The following RPS6KC1 variants were observed in gnomAD, a reference collection of about 807,000 sequenced individuals.
RPS6KC1 encodes inactive ribosomal protein S6 kinase delta-1.
Under a neutral mutation model 103.8 loss-of-function variants are expected in RPS6KC1, and 54 were observed. The observed-to-expected ratio is 0.52, with a 90% CI of 0.42 to 0.65. The LOEUF is 0.65. RPS6KC1 is among the 30% of genes least tolerant of loss of function. The pLI, the probability that RPS6KC1 is intolerant of heterozygous loss-of-function variation, is 0.00. For missense variants in RPS6KC1, 1,151 were observed against 1,253.8 expected, an observed-to-expected ratio of 0.92 and a Z score of 1.24; for synonymous variants, 439 against 438.7, an observed-to-expected ratio of 1.00 and a Z score of -0.01.
the RPS6KC1 span, among the ~76,000 whole-genome samples, chr1:213,444,675 T>A: frequency 1.5e-5 from 2 of 136,988 alleles, no homozygotes; most frequent in East Asian, 4.3e-4. Flanking sequence ...GAGAATCACC[T>A]GAACCTGGGA....
chr1:213,743,869 G>A, the RPS6KC1 span, among the ~76,000 whole-genome samples: 1 of 152,114 alleles, frequency 6.6e-6, no homozygotes, highest in Non-Finnish European at 1.5e-5. Flanking sequence ...GAGGAAAGAG[G>A]GTCTTTGGTG....
At chr1:213,578,519 A>C in the RPS6KC1 span, among the ~76,000 whole-genome samples, 1 of 152,188 alleles carries the variant, frequency 6.6e-6, no homozygotes, top group Non-Finnish European at 1.5e-5. Context: ...CAGTAGCGGG[A>C]CTGTACCCTG....
At chr1:213,184,455 A>G (rs904378205) in intron 8 of RPS6KC1, among the ~76,000 whole-genome samples, 24 of 151,650 alleles carry the variant, frequency 1.6e-4, no homozygotes, top group African/African-American at 5.6e-4. Context: ...AAGAAAACCA[A>G]CTTTTCATTT....
At chr1:213,774,882 C>T in the RPS6KC1 span, among the ~76,000 whole-genome samples, 84,082 of 152,086 alleles carry the variant, frequency 0.55, 24,883 homozygotes, top group East Asian at 0.83. Context: ...GGAGGCAGCC[C>T]GCACTCCATG....
chr1:213,513,918 AGTGCTCAC>A, the RPS6KC1 span, among the ~76,000 whole-genome samples: 6 of 152,152 alleles, frequency 3.9e-5, no homozygotes, highest in Non-Finnish European at 4.4e-5. Context: ...CTTGCGCTGG[AGTGCTCAC>A]GTGCATTGCC....
chr1:213,472,104 T>C, the RPS6KC1 span, among the ~76,000 whole-genome samples: 4 of 152,214 alleles, frequency 2.6e-5, no homozygotes, highest in Non-Finnish European at 5.9e-5. Context: ...AAAGCCATAA[T>C]AGCATTTCTG....
At chr1:213,638,984 A>T in the RPS6KC1 span, among the ~76,000 whole-genome samples, 1 of 151,912 alleles carries the variant, frequency 6.6e-6, no homozygotes. Flanking sequence ...TATGCCATGG[A>T]TATTTTGTCT....
the RPS6KC1 span, among the ~76,000 whole-genome samples, chr1:213,585,393 C>T: frequency 1.3e-5 from 2 of 152,178 alleles, no homozygotes; most frequent in Non-Finnish European, 2.9e-5. Context: ...ATTCCACACC[C>T]TCCTCCCCTG....
the RPS6KC1 span, among the ~76,000 whole-genome samples, chr1:213,305,372 T>A: frequency 6.6e-6 from 1 of 152,246 alleles, no homozygotes; most frequent in Non-Finnish European, 1.5e-5. Flanking sequence ...CATGAGCCAC[T>A]GTGCCTGGCC....
chr1:213,712,474 G>T, the RPS6KC1 span, among the ~76,000 whole-genome samples: 1 of 152,214 alleles, frequency 6.6e-6, no homozygotes, highest in Admixed American at 6.5e-5. Context: ...GATCCACTGA[G>T]CTAGACCACT....
At chr1:213,717,949 C>T in the RPS6KC1 span, among the ~76,000 whole-genome samples, 1 of 152,148 alleles carries the variant, frequency 6.6e-6, no homozygotes, top group Non-Finnish European at 1.5e-5. Context: ...CATTATTTCT[C>T]ACAGCAGATC....
chr1:213,847,577 C>T, the RPS6KC1 span, among the ~76,000 whole-genome samples: 1 of 152,190 alleles, frequency 6.6e-6, no homozygotes, highest in South Asian at 2.1e-4. Flanking sequence ...GCAGCACCAT[C>T]CTTCATGCAC....
the RPS6KC1 span, among the ~76,000 whole-genome samples, chr1:213,652,381 C>G: frequency 6.6e-6 from 1 of 152,188 alleles, no homozygotes; most frequent in African/African-American, 2.4e-5. Flanking sequence ...TGTTTCTTAG[C>G]TAATGAGTGA....
the RPS6KC1 span, among the ~76,000 whole-genome samples, chr1:213,513,434 AG>A: frequency 1.9e-4 from 28 of 148,808 alleles, no homozygotes; most frequent in Admixed American, 1.4e-4. Context: ...CAAGGTGGTC[AG>A]GGGACTTTGT....
the RPS6KC1 span, among the ~76,000 whole-genome samples, chr1:213,595,957 T>A: frequency 6.6e-6 from 1 of 152,242 alleles, no homozygotes; most frequent in Admixed American, 6.5e-5. Context: ...GGGATTTTTT[T>A]TTTGCTGTTG....
In RPS6KC1 at chr1:213,117,420, T is replaced by C; in HGVS notation, c.472+10T>C. On this transcript the variant is annotated intron_variant, in intron 5 of 14. Coordinates refer to ENST00000366960, the MANE Select transcript of RPS6KC1 (RefSeq NM_012424.6). ...GAGTGTAGTACGGAAGGTAAGAGATTTTAATTTTTTTGCATTTCAAAGGTT... is the reference window on the plus strand; with the variant it reads ...GAGTGTAGTACGGAAGGTAAGAGATCTTAATTTTTTTGCATTTCAAAGGTT... 2 of 1,541,096 alleles carry C rather than the reference T, an allele frequency of 1.3e-6. No homozygotes were observed. Among genetic ancestry groups the C allele is most frequent in the African/African-American group, 1.4e-5 (1 of 72,782 alleles).
chr1:213,637,569 TA>T, the RPS6KC1 span, among the ~76,000 whole-genome samples: 55,404 of 151,854 alleles, frequency 0.36, 11,185 homozygotes, highest in Non-Finnish European at 0.46. Context: ...GTATAATAAT[TA>T]AAAAAATTAG....
At chr1:213,482,880 G>A in the RPS6KC1 span, among the ~76,000 whole-genome samples, 10 of 151,912 alleles carry the variant, frequency 6.6e-5, no homozygotes, top group African/African-American at 2.2e-4. Flanking sequence ...GTTATGTCTG[G>A]TGGTGTTCCT....
At chr1:213,270,509 C>T (rs1271369838) in intron 14 of RPS6KC1, among the ~76,000 whole-genome samples, 1 of 152,132 alleles carries the variant, frequency 6.6e-6, no homozygotes, top group East Asian at 1.9e-4. Context: ...GGTGTGGTGG[C>T]TTATACCTGT....
Sources: gnomAD v4.1 joint callset for allele counts (sites outside exome capture counted in the v4.1 genomes callset) on GRCh38, gnomAD v4.1.1 for gene constraint, MANE v1.5 for transcripts, NCBI Gene and HGNC (gene_info 2026-07-23, HGNC 2026-07-21) for gene names.